Variants in PPP1R12B observed in about 807,000 individuals in gnomAD.
PPP1R12B encodes protein phosphatase 1 regulatory subunit 12B.
In PPP1R12B, 76 loss-of-function variants were observed where a neutral mutation model predicts 126.1. The observed-to-expected ratio is 0.60, with a 90% CI of 0.50 to 0.73. PPP1R12B has a LOEUF of 0.73. Among genes scored for constraint, PPP1R12B ranks in the 30% least tolerant of loss-of-function variants. PPP1R12B has a pLI of 0.00. For missense variants in PPP1R12B, 1,052 were observed against 1,205.1 expected (o/e 0.87, Z 1.88); for synonymous variants, 356 against 434.7 (o/e 0.82, Z 2.25).
chr1:202,376,767 A>G (rs1235757576), intron 1 of PPP1R12B, among the ~76,000 whole-genome samples: 1 of 152,184 alleles, frequency 6.6e-6, no homozygotes, highest in African/African-American at 2.4e-5. Context: ...ATTAAATAAT[A>G]GGATAGTGCA....
chr1:202,529,968 T>C (rs1290116360), intron 18 of PPP1R12B, among the ~76,000 whole-genome samples: 2 of 152,190 alleles, frequency 1.3e-5, no homozygotes, highest in African/African-American at 4.8e-5. Flanking sequence ...TCTCCCTAAC[T>C]CTTAACTGTA....
At chr1:202,361,720 A>C (rs1244869880) in intron 1 of PPP1R12B, among the ~76,000 whole-genome samples, 1 of 152,184 alleles carries the variant, frequency 6.6e-6, no homozygotes, top group Non-Finnish European at 1.5e-5. Flanking sequence ...GTCCATTATG[A>C]AAGAAAACTT....
intron 1 of PPP1R12B, among the ~76,000 whole-genome samples, chr1:202,409,651 AATTTT>A (rs1366931933): frequency 6.6e-6 from 1 of 151,806 alleles, no homozygotes; most frequent in Non-Finnish European, 1.5e-5. Context: ...TGCATGCTAA[AATTTT>A]ATTTTTATAT....
At position 202,565,136 on chromosome 1, in the gene PPP1R12B, TA is replaced by T. The variant is rs1344531933; in HGVS notation, c.2757+592del. On this transcript the variant is annotated intron_variant, in intron 21 of 23. Coordinates refer to ENST00000608999, the MANE Select transcript of PPP1R12B (RefSeq NM_002481.4). This position sits in a 1 kb window ranked among gnomAD's most constrained non-coding sequence, Gnocchi z 4.3. ...GGAATATTAGTGGCAGAAAGACTGATAAACTATTTCCTCTCACTGCCAGGTT... is the reference window on the plus strand; with the variant it reads ...GGAATATTAGTGGCAGAAAGACTGATAACTATTTCCTCTCACTGCCAGGTT... 2.6e-5 allele frequency among the ~76,000 whole-genome samples: 4 copies of T among 152,242 alleles called. No individual in the cohort carries two copies. The highest frequency in any genetic ancestry group is 9.6e-5 in the African/African-American group (4 of 41,474).
chr1:202,357,304 A>G (rs993569940), intron 1 of PPP1R12B, among the ~76,000 whole-genome samples: 1 of 152,242 alleles, frequency 6.6e-6, no homozygotes, highest in Non-Finnish European at 1.5e-5. Flanking sequence ...AAATAATGTA[A>G]AAGGAAATTG....
intron 13 of PPP1R12B, among the ~76,000 whole-genome samples, chr1:202,486,631 C>A (rs545510404): frequency 6.6e-6 from 1 of 152,096 alleles, no homozygotes; most frequent in East Asian, 1.9e-4. Flanking sequence ...ATAGCGAGAC[C>A]TCATCTCTAC....
At chr1:202,377,818 G>A (rs1316671633) in intron 1 of PPP1R12B, among the ~76,000 whole-genome samples, 2 of 148,064 alleles carry the variant, frequency 1.4e-5, no homozygotes, top group African/African-American at 5.0e-5. Flanking sequence ...GAGAAAGAAA[G>A]GTCAAAGACA....
At position 202,564,533 on chromosome 1, in the gene PPP1R12B, G is replaced by T; in HGVS notation, c.2743G>T (p.Glu915Ter). 1 of 1,611,222 alleles carries T rather than the reference G, an allele frequency of 6.2e-7. No individual in the cohort carries two copies. Among genetic ancestry groups the T allele is most frequent in the South Asian group, 1.1e-5 (1 of 90,998 alleles). The change falls in exon 21 of 24, where the codon GAG becomes TAG. Residue 915 changes from glutamate to a stop codon, truncating the protein, a stop_gained. Transcript: ENST00000608999. LOFTEE classifies it high-confidence loss of function. ...GCTAGCAGATATAAAGTCCAAGCTT[G>T]AGAAGGTGGCCCAGGTAAGACGGAA... ...LELADIKSKL[E>*]KVAQQKQEKT...
At chr1:202,502,080 A>G (rs751851431) in intron 18 of PPP1R12B, 1 of 985,732 alleles carries the variant, frequency 1.0e-6, no homozygotes, top group Non-Finnish European at 1.2e-6. Context: ...TTGCTTTTAG[A>G]TAAATCAGGT....
intron 1 of PPP1R12B, among the ~76,000 whole-genome samples, chr1:202,391,457 A>G (rs1664151290): frequency 6.6e-6 from 1 of 152,138 alleles, no homozygotes; most frequent in African/African-American, 2.4e-5. Flanking sequence ...CAGCCGCTGA[A>G]AAACAGTCTG....
At chr1:202,558,700 T>A in intron 18 of PPP1R12B, 177 bp from the exon 19 acceptor site, 1 of 543,600 alleles carries the variant, frequency 1.8e-6, no homozygotes, top group African/African-American at 2.0e-5. Context: ...TAAGTCACCT[T>A]TGTGTAGTCA....
chr1:202,361,513 T>C (rs999160753), intron 1 of PPP1R12B, among the ~76,000 whole-genome samples: 8 of 152,168 alleles, frequency 5.3e-5, no homozygotes, highest in Admixed American at 3.3e-4. Context: ...CACCATGCCA[T>C]TTATGAGGGA....
At chr1:202,402,422 T>C (rs1450544347) in intron 1 of PPP1R12B, among the ~76,000 whole-genome samples, 3 of 152,242 alleles carry the variant, frequency 2.0e-5, no homozygotes, top group Non-Finnish European at 4.4e-5. Flanking sequence ...GACATAGCAG[T>C]CTGAAGTTTG....
intron 1 of PPP1R12B, among the ~76,000 whole-genome samples, chr1:202,402,584 A>G (rs1054279141): frequency 5.3e-5 from 8 of 152,220 alleles, no homozygotes; most frequent in African/African-American, 1.9e-4. Context: ...AATTGATTAT[A>G]CCCAGATTTG....
intron 10 of PPP1R12B, chr1:202,439,704 T>C: frequency 1.7e-6 from 1 of 601,638 alleles, no homozygotes; most frequent in Non-Finnish European, 3.0e-6. Context: ...GACTGGGGGT[T>C]GTGCAGCCCA....
intron 1 of PPP1R12B, among the ~76,000 whole-genome samples, chr1:202,397,967 AG>A (rs1221073372): frequency 6.6e-6 from 1 of 152,190 alleles, no homozygotes; most frequent in Non-Finnish European, 1.5e-5. Flanking sequence ...GCTGGAGTGC[AG>A]TGGTGCAATC....
Position 202,564,670 on chromosome 1 carries a change from A to C in PPP1R12B, c.2757+123A>C, listed in dbSNP as rs763548957. Reference sequence around the variant, plus strand: ...AAGATCAGGCCTTCTCGGGGCAATGAGATAGAAGCTTCTTAGATTCTAATT... The same window carrying C: ...AAGATCAGGCCTTCTCGGGGCAATGCGATAGAAGCTTCTTAGATTCTAATT... On this transcript the variant is annotated intron_variant, in intron 21 of 23. Coordinates refer to ENST00000608999, the MANE Select transcript of PPP1R12B (RefSeq NM_002481.4). The C allele has an allele frequency of 2.9e-4, 189 of 660,906 alleles. 1 individual carries two copies. Among genetic ancestry groups the C allele is most frequent in the Non-Finnish European group, 4.4e-4 (176 of 397,850 alleles). 40.9% of individuals were successfully genotyped at this position (660,906 alleles called of 1,614,324 possible).
chr1:202,436,100 C>A (rs1190509235), intron 9 of PPP1R12B, among the ~76,000 whole-genome samples: 1 of 151,798 alleles, frequency 6.6e-6, no homozygotes, highest in Non-Finnish European at 1.5e-5. Flanking sequence ...TCTTTACAAA[C>A]AATAAAAACA....
chr1:202,348,753 T>C lies in PPP1R12B; in HGVS notation c.-99T>C. On this transcript the variant is annotated 5_prime_UTR_variant, in exon 1 of 24. Transcript: ENST00000608999. ...CGGCGCGAGGGTCTCCGCCCTCTGC[T>C]CCGGGCTGAAGCGCTCTGAGAGAGG... 1.4e-6 allele frequency: 2 copies of C among 1,428,476 alleles called. 1 individual carries two copies. The allele number at this position is 1,428,476 out of a possible 1,614,324, so 88.5% of individuals were successfully genotyped here.
Sources: gnomAD v4.1 joint callset for allele counts (sites outside exome capture counted in the v4.1 genomes callset) on GRCh38, gnomAD v4.1.1 for gene constraint, Gnocchi (gnomAD v3.1) non-coding constraint, MANE v1.5 for transcripts, NCBI Gene and HGNC (gene_info 2026-07-23, HGNC 2026-07-21) for gene names.